Variants in LRP3 observed in about 807,000 individuals in gnomAD.
LRP3 encodes LDL receptor related protein 3.
Under a neutral mutation model 58.5 loss-of-function variants are expected in LRP3, and 49 were observed. The observed-to-expected ratio is 0.84, with a 90% CI of 0.67 to 1.06. LRP3 has a LOEUF of 1.06. Ranked by LOEUF, LRP3 falls within the 50% of genes least tolerant of loss-of-function variation. The probability of loss-of-function intolerance (pLI) is 0.00; values close to 1 mark genes in which losing one functional copy is unlikely to be tolerated. For missense variants in LRP3, 1,019 were observed against 1,134.2 expected, an observed-to-expected ratio of 0.90 and a Z score of 1.46; for synonymous variants, 485 against 492.2, an observed-to-expected ratio of 0.99 and a Z score of 0.20.
At chr19:33,199,039 C>T (rs1457156839) in intron 2 of LRP3, among the ~76,000 whole-genome samples, 5 of 152,166 alleles carry the variant, frequency 3.3e-5, no homozygotes, top group African/African-American at 9.7e-5. Flanking sequence ...ACCATGGCTC[C>T]GAGGGCCCAG....
Position 33,202,848 on chromosome 19 carries a change from C to T in LRP3, c.122C>T (p.Ala41Val), listed in dbSNP as rs552769563. The T allele has an allele frequency of 1.1e-5, 18 of 1,606,670 alleles. No homozygotes were observed. Among genetic ancestry groups the T allele is most frequent in the African/African-American group, 9.3e-5 (7 of 74,924 alleles). Residue 41 changes from alanine (A) to valine (V), a missense_variant and splice_region_variant, in exon 3 of 7, where the codon GCG becomes GTG. Ala to Val is a moderately conservative substitution (Grantham distance 64). Around this residue, in one of 2 missense-constraint regions of LRP3, gnomAD observed 592 missense variants for 725.5 expected, o/e 0.82. Transcript: ENST00000253193. ...CTTTCTCGGCCTCCTCTCCCGACAG[C>T]GGCCTGCAGTGGGAAGCTGGAGCAG... ...GRLSSAVPAL[A>V]ACSGKLEQHT...
chr19:33,203,018 A>G (rs759229528), intron 3 of LRP3, 32 bp downstream of exon 3: 2 of 1,607,846 alleles, frequency 1.2e-6, no homozygotes, highest in South Asian at 2.2e-5. Flanking sequence ...GGAAGGAATC[A>G]ATGTGGGCCC....
chr19:33,194,977 C>A (rs1221984080), intron 1 of LRP3, 119 bp downstream of exon 1: 8 of 346,982 alleles, frequency 2.3e-5, no homozygotes, highest in Non-Finnish European at 3.4e-5. Context: ...GTGGCTCCCG[C>A]GCGGAGACCC....
At position 33,208,113 on chromosome 19, in the gene LRP3, TCTC is replaced by T. The variant is rs1239763475; in HGVS notation, c.*541_*543del. On this transcript the variant is annotated 3_prime_UTR_variant, in exon 7 of 7. Transcript: ENST00000253193. The surrounding 1 kb of genome is among the most constrained non-coding windows in gnomAD (Gnocchi z 4.7). ...CCCTTTGCCCTCCCTGAAGGTCCAA[TCTC>T]CTGGGCACCGTGGAAGGGCTGGGGT... is the stretch of plus-strand genomic sequence containing the variant. 1 of 163,556 alleles carries T rather than the reference TCTC, an allele frequency of 6.1e-6. No homozygotes were observed. Among genetic ancestry groups the T allele is most frequent in the Non-Finnish European group, 1.3e-5 (1 of 74,400 alleles). 10.1% of individuals were successfully genotyped at this position (163,556 alleles called of 1,614,324 possible).
rs1307091145 is a variant in LRP3, at chr19:33,204,376, C to T, written c.261-262C>T. 4.9e-5 allele frequency: 26 copies of T among 535,264 alleles called. 1 individual carries two copies. Among genetic ancestry groups the T allele is most frequent in the South Asian group, 4.2e-4 (17 of 40,804 alleles). 33.2% of individuals were successfully genotyped at this position (535,264 alleles called of 1,614,324 possible). A position where few individuals can be genotyped will look rare whatever the true frequency, so the allele number is the denominator to read the frequency against. On this transcript the variant is annotated intron_variant, in intron 3 of 6. Transcript: ENST00000253193. ...GTGCACTGATGGAGGGAAGGGGAGC[C>T]GCAGCAGAGCTGGAAATGACCTGCG... is the stretch of plus-strand genomic sequence containing the variant.
At chr19:33,195,776 C>T (rs1205535475) in intron 1 of LRP3, among the ~76,000 whole-genome samples, 2 of 152,186 alleles carry the variant, frequency 1.3e-5, no homozygotes, top group Admixed American at 6.5e-5. Context: ...AACCCCAGCG[C>T]GCCCACCCCA....
chr19:33,202,798 G>C (rs751997174), intron 2 of LRP3, 50 bp from the exon 3 acceptor site: 1 of 1,542,224 alleles, frequency 6.5e-7, no homozygotes, highest in South Asian at 1.2e-5. Context: ...ACTGCAACCC[G>C]CATCCCAACC....
chr19:33,208,785 T>G lies in LRP3; in HGVS notation c.*1210T>G. 6.6e-7 allele frequency: 1 copy of G among 1,504,506 alleles called. No homozygotes were observed. Among genetic ancestry groups the G allele is most frequent in the Non-Finnish European group, 9.1e-7 (1 of 1,094,882 alleles). 93.2% of individuals were successfully genotyped at this position (1,504,506 alleles called of 1,614,324 possible). On this transcript the variant is annotated 3_prime_UTR_variant, in exon 7 of 7. Transcript: ENST00000253193. This position sits in a 1 kb window ranked among gnomAD's most constrained non-coding sequence, Gnocchi z 4.7. ...AACAGGCTTCTGAGAGTCGTATCTT[T>G]TTTCTTTTTTTTCCAGAAAAAAACA...
At chr19:33,196,960 T>G (rs1974292453) in intron 2 of LRP3, among the ~76,000 whole-genome samples, 183 bp downstream of exon 2, 1 of 152,186 alleles carries the variant, frequency 6.6e-6, no homozygotes, top group Non-Finnish European at 1.5e-5. Context: ...TTTCCTCATC[T>G]GTAAAGTGGG....
rs1468112336 is a variant in LRP3, at chr19:33,208,626, C to T, written c.*1051C>T. 3.8e-6 allele frequency: 2 copies of T among 531,252 alleles called. No individual in the cohort carries two copies. The highest frequency in any genetic ancestry group is 6.7e-6 in the Non-Finnish European group (2 of 297,390). 32.9% of individuals were successfully genotyped at this position (531,252 alleles called of 1,614,324 possible). A position where few individuals can be genotyped will look rare whatever the true frequency, so the allele number is the denominator to read the frequency against. ...CCCACCGAGGTACGCCCCAGCCACT[C>T]CCATCTGTGCCCATCAGGGACTCCC... is the stretch of plus-strand genomic sequence containing the variant. On this transcript the variant is annotated 3_prime_UTR_variant, in exon 7 of 7. Coordinates refer to ENST00000253193, the MANE Select transcript of LRP3 (RefSeq NM_002333.4). The surrounding 1 kb of genome is among the most constrained non-coding windows in gnomAD (Gnocchi z 4.7).
Position 33,207,197 on chromosome 19 carries a change from G to A in LRP3, c.1935G>A (p.Gly645=), listed in dbSNP as rs538134164. 4 of 1,552,840 alleles carry A rather than the reference G, an allele frequency of 2.6e-6. No individual in the cohort carries two copies. In the East Asian group the frequency reaches 7.0e-5, roughly 27 times the overall value. ...ATGGCTTCCTCCAGCCTGCTCCAGG[G>A]GCTGCCCCCGACCCCCCAGCACCGC... ...LGDGFLQPAP[G]AAPDPPAPLM... Residue 645 remains glycine (G), a synonymous_variant, in exon 7 of 7, where the codon GGG becomes GGA. Coordinates refer to ENST00000253193, the MANE Select transcript of LRP3 (RefSeq NM_002333.4).
intron 2 of LRP3, 96 bp downstream of exon 2, chr19:33,196,873 A>G: frequency 8.9e-7 from 1 of 1,125,670 alleles, no homozygotes; most frequent in Non-Finnish European, 1.4e-6. Flanking sequence ...CACTACCCCG[A>G]GTTCCTGTGT....
chr19:33,205,013 C>G (rs563974103), intron 4 of LRP3, 161 bp downstream of exon 4: 1 of 763,778 alleles, frequency 1.3e-6, no homozygotes, highest in East Asian at 2.7e-5. Context: ...ACTGGGCATG[C>G]GGATGCCTTG....
chr19:33,197,270 G>A (rs1974295572), intron 2 of LRP3, among the ~76,000 whole-genome samples: 1 of 152,142 alleles, frequency 6.6e-6, no homozygotes, highest in South Asian at 2.1e-4. Flanking sequence ...TACTAGATTT[G>A]GACAAGCAGG....
chr19:33,204,414 T>A (rs571485112), intron 3 of LRP3: 233 of 571,874 alleles, frequency 4.1e-4, no homozygotes, highest in African/African-American at 3.0e-3. Context: ...GATGTCGCAA[T>A]TCTTCATGGA....
At chr19:33,205,202 T>A (rs955356108) in intron 4 of LRP3, 44 bp from the exon 5 acceptor site, 2 of 1,579,310 alleles carry the variant, frequency 1.3e-6, no homozygotes, top group Non-Finnish European at 1.7e-6. Context: ...GAAGGGAGGC[T>A]CTTCTGTCTC....
intron 2 of LRP3, among the ~76,000 whole-genome samples, chr19:33,201,480 A>G (rs1287037604): frequency 6.6e-6 from 1 of 151,950 alleles, no homozygotes; most frequent in Non-Finnish European, 1.5e-5. Flanking sequence ...GCTGTAGTGA[A>G]TTGTGGTTTT....
In LRP3 at chr19:33,205,388, G is replaced by C. The variant is rs1375281116; in HGVS notation, c.618G>C (p.Glu206Asp). Residue 206 changes from glutamate to aspartate, a missense_variant, in exon 5 of 7, where the codon GAG becomes GAC. Glu to Asp is a conservative substitution (Grantham distance 45). Transcript: ENST00000253193. ...DEGNCSAPAS[E>D]PPGSLCPGGT... ...GCAACTGCTCGGCGCCCGCCTCCGAGCCTCCAGGCAGCCTGTGCCCCGGGG... is the reference window on the plus strand; with the variant it reads ...GCAACTGCTCGGCGCCCGCCTCCGACCCTCCAGGCAGCCTGTGCCCCGGGG... 1 of 1,596,868 alleles carries C rather than the reference G, an allele frequency of 6.3e-7. No homozygotes were observed. Among genetic ancestry groups the C allele is most frequent in the African/African-American group, 1.3e-5 (1 of 74,740 alleles).
intron 1 of LRP3, among the ~76,000 whole-genome samples, chr19:33,195,255 T>G (rs1346157255): frequency 6.6e-6 from 1 of 151,942 alleles, no homozygotes; most frequent in African/African-American, 2.4e-5. Flanking sequence ...GGGTGGGGGC[T>G]GGTGTAAGCC....
Sources: gnomAD v4.1 joint callset for allele counts (sites outside exome capture counted in the v4.1 genomes callset) on GRCh38, gnomAD v4.1.1 for gene constraint, gnomAD v4.1.1 regional missense constraint, Gnocchi (gnomAD v3.1) non-coding constraint, MANE v1.5 for transcripts, NCBI Gene and HGNC (gene_info 2026-07-23, HGNC 2026-07-21) for gene names.